CEACAM5: variants seen among roughly 807,000 people sequenced by gnomAD.
The protein encoded by CEACAM5 is cell adhesion molecule CEACAM5.
In CEACAM5, 52 loss-of-function variants were observed where a neutral mutation model predicts 63.0. The ratio of observed to expected loss-of-function variants is 0.83; its 90% confidence interval spans 0.66 to 1.04. The LOEUF (loss-of-function observed/expected upper bound fraction) is 1.04. CEACAM5 is among the 50% of genes least tolerant of loss of function. The pLI, the probability that CEACAM5 is intolerant of heterozygous loss-of-function variation, is 0.00. For missense variants in CEACAM5, 790 were observed against 864.8 expected, an observed-to-expected ratio of 0.91 and a Z score of 1.08; for synonymous variants, 357 against 351.3, an observed-to-expected ratio of 1.02 and a Z score of -0.18.
At chr19:41,717,378 C>T in intron 4 of CEACAM5, 77 bp from the exon 5 acceptor site, 7 of 1,514,842 alleles carry the variant, frequency 4.6e-6, no homozygotes, top group Non-Finnish European at 6.3e-6. Context: ...GTGGGAGATG[C>T]CAACTCTGAT....
intron 8 of CEACAM5, among the ~76,000 whole-genome samples, chr19:41,722,481 C>G (rs1175716097): frequency 6.6e-6 from 1 of 152,130 alleles, no homozygotes; most frequent in Admixed American, 6.5e-5. Context: ...CCTCTGTACC[C>G]AATAAACAGT....
Position 41,715,033 on chromosome 19 carries a change from G to A in CEACAM5, c.487G>A (p.Val163Met), listed in dbSNP as rs371758270. The A allele has an allele frequency of 7.4e-6, 12 of 1,614,106 alleles. No individual in the cohort carries two copies. The African/African-American group carries it at 1.6e-4, about 22-fold the overall frequency. Reference sequence around the variant, plus strand: ...CAAACCCGTGGAGGACAAGGATGCTGTGGCCTTCACCTGTGAACCTGAGAC... The same window carrying A: ...CAAACCCGTGGAGGACAAGGATGCTATGGCCTTCACCTGTGAACCTGAGAC... ...NSKPVEDKDA[V>M]AFTCEPETQD... is the part of the protein sequence containing the mutation. The change falls in exon 3 of 10, where the codon GTG (valine) becomes ATG (methionine). Residue 163 changes from valine to methionine, a missense_variant. By Grantham distance (21) the Val-to-Met change is conservative. Coordinates refer to ENST00000221992, the MANE Select transcript of CEACAM5 (RefSeq NM_004363.6).
In CEACAM5 at chr19:41,719,807, C is replaced by A. The variant is rs1445071172; in HGVS notation, c.1493-123C>A. ...TACATCTGTCTTGTGATACACACAC[C>A]TGCCATGGGCTTTTAAGGACTCGGG... On this transcript the variant is annotated intron_variant, in intron 6 of 9. Coordinates refer to ENST00000221992, the MANE Select transcript of CEACAM5 (RefSeq NM_004363.6). The A allele has an allele frequency of 4.6e-6, 7 of 1,527,882 alleles. No individual in the cohort carries two copies. The Admixed American group carries it at 5.7e-5, about 12-fold the overall frequency. The allele number at this position is 1,527,882 out of a possible 1,614,324, so 94.6% of individuals were successfully genotyped here.
chr19:41,712,060 G>T (rs1218408386), intron 2 of CEACAM5, among the ~76,000 whole-genome samples: 1 of 152,260 alleles, frequency 6.6e-6, no homozygotes, highest in African/African-American at 2.4e-5. Context: ...AGCAGGACGG[G>T]AATGAGCGAC....
In CEACAM5 at chr19:41,729,710, C is replaced by G. The variant is rs1414407176; in HGVS notation, c.*563C>G. On this transcript the variant is annotated 3_prime_UTR_variant, in exon 10 of 10. Coordinates refer to ENST00000221992, the MANE Select transcript of CEACAM5 (RefSeq NM_004363.6). ...GAAATTTTGCTGATTCTTTAAATGT[C>G]TTGTTTCCCAGATTTCAGGAAACTT... The G allele has an allele frequency of 6.6e-6, 1 of 152,064 alleles. No individual in the cohort carries two copies. The highest frequency in any genetic ancestry group is 6.5e-5 in the Admixed American group (1 of 15,274). The allele number at this position is 152,064 out of a possible 1,614,324, so 9.4% of individuals were successfully genotyped here. A position where few individuals can be genotyped will look rare whatever the true frequency, so the allele number is the denominator to read the frequency against.
Position 41,720,117 on chromosome 19 carries a change from T to C in CEACAM5, c.1680T>C (p.Asn560=). ...SNGNRTLTLF[N]VTRNDARAYV... Reference sequence around the variant, plus strand: ...GCAACAGGACCCTCACTCTATTCAATGTCACAAGAAATGACGCAAGAGCCT... The same window carrying C: ...GCAACAGGACCCTCACTCTATTCAACGTCACAAGAAATGACGCAAGAGCCT... The change falls in exon 7 of 10, where the codon AAT becomes AAC. Residue 560 remains asparagine, a synonymous_variant. Transcript: ENST00000221992. 2 of 1,614,220 alleles carry C rather than the reference T, an allele frequency of 1.2e-6. No homozygotes were observed. The highest frequency in any genetic ancestry group is 1.3e-5 in the African/African-American group (1 of 75,044).
At chr19:41,717,009 A>G (rs2072537294) in intron 4 of CEACAM5, among the ~76,000 whole-genome samples, 1 of 152,192 alleles carries the variant, frequency 6.6e-6, no homozygotes, top group Admixed American at 6.5e-5. Flanking sequence ...CATCTCCATC[A>G]TCACCTATCT....
intron 2 of CEACAM5, among the ~76,000 whole-genome samples, 175 bp from the exon 3 acceptor site, chr19:41,714,796 C>G (rs1233683031): frequency 1.3e-5 from 2 of 152,166 alleles, no homozygotes; most frequent in African/African-American, 2.4e-5. Context: ...CAGGCAGCCT[C>G]GCAGTCTCTG....
At position 41,713,307 on chromosome 19, in the gene CEACAM5, A is replaced by AAAAAGAAAAAGAAAG. The variant is rs533325539; in HGVS notation, c.425-1654_425-1640dup. Reference sequence around the variant, plus strand: ...CAACAGAGCGAGACTCCATCTCAAAAAAAAGAAAAAGAAAGAAAAGAAAAG... The same window carrying AAAAAGAAAAAGAAAG: ...CAACAGAGCGAGACTCCATCTCAAAAAAAAGAAAAAGAAAGAAAAGAAAAAGAAAGAAAAGAAAAG... On this transcript the variant is annotated intron_variant, in intron 2 of 9. Transcript: ENST00000221992. Among the ~76,000 whole-genome samples, 276 of 152,298 alleles carry AAAAAGAAAAAGAAAG rather than the reference A, an allele frequency of 1.8e-3. 4 individuals are homozygous for AAAAAGAAAAAGAAAG. Among genetic ancestry groups the AAAAAGAAAAAGAAAG allele is most frequent in the African/African-American group, 6.2e-3 (259 of 41,526 alleles).
At chr19:41,716,976 T>C (rs1170049652) in intron 4 of CEACAM5, among the ~76,000 whole-genome samples, 2 of 152,222 alleles carry the variant, frequency 1.3e-5, no homozygotes, top group Admixed American at 6.5e-5. Flanking sequence ...CCTAGTCTCC[T>C]GCACTATTTC....
Position 41,715,795 on chromosome 19 carries a change from G to A in CEACAM5, c.849G>A (p.Glu283=). Reference sequence around the variant, plus strand: ...GGACTTTCCAGCAATCCACCCAAGAGCTCTTTATCCCCAACATCACTGTGA... The same window carrying A: ...GGACTTTCCAGCAATCCACCCAAGAACTCTTTATCCCCAACATCACTGTGA... ...VNGTFQQSTQ[E]LFIPNITVNN... Residue 283 remains glutamate (E), a synonymous_variant, in exon 4 of 10, where the codon GAG becomes GAA. Transcript: ENST00000221992. 1 of 1,614,170 alleles carries A rather than the reference G, an allele frequency of 6.2e-7. No homozygotes were observed. The highest frequency in any genetic ancestry group is 1.1e-5 in the South Asian group (1 of 91,090).
At chr19:41,714,822 G>A (rs2072493037) in intron 2 of CEACAM5, 149 bp from the exon 3 acceptor site, 12 of 1,407,834 alleles carry the variant, frequency 8.5e-6, no homozygotes, top group East Asian at 2.3e-5. Flanking sequence ...TCAGATCATC[G>A]TGCATCTGTC....
At chr19:41,713,356 AC>A (rs1444796435) in intron 2 of CEACAM5, among the ~76,000 whole-genome samples, 26 of 152,336 alleles carry the variant, frequency 1.7e-4, no homozygotes, top group Admixed American at 1.1e-3. Context: ...TCACTGGAGC[AC>A]TTTGGATTCC....
At chr19:41,730,515 A>G (rs565588104), downstream of CEACAM5, among the ~76,000 whole-genome samples, 2 of 152,312 alleles carry the variant, frequency 1.3e-5, no homozygotes, top group African/African-American at 4.8e-5. Flanking sequence ...TATTTTGAAA[A>G]CAAATTTGTC....
chr19:41,724,056 C>A (rs1017322683), intron 8 of CEACAM5, among the ~76,000 whole-genome samples: 3 of 151,544 alleles, frequency 2.0e-5, no homozygotes, highest in Non-Finnish European at 4.4e-5. Flanking sequence ...AATTAAATGT[C>A]ATTAAGCTTT....
rs782113990 is a variant in CEACAM5 at position 41,718,197 on chromosome 19, C to A, written c.1307C>A (p.Ser436Tyr). 6.2e-7 allele frequency: 1 copy of A among 1,614,210 alleles called. No individual in the cohort carries two copies. Among genetic ancestry groups the A allele is most frequent in the South Asian group, 1.1e-5 (1 of 91,078 alleles). Residue 436 changes from serine to tyrosine, a missense_variant, in exon 6 of 10, where the codon TCC (serine) becomes TAC (tyrosine). By Grantham distance (144) the Ser-to-Tyr change is moderately radical. Coordinates refer to ENST00000221992, the MANE Select transcript of CEACAM5 (RefSeq NM_004363.6). ...CGTCCAGGGGTGAACCTCAGCCTCT[C>A]CTGCCATGCAGCCTCTAACCCACCT... ...YYRPGVNLSL[S>Y]CHAASNPPAQ...
chr19:41,714,102 C>A (rs2072480473), intron 2 of CEACAM5, among the ~76,000 whole-genome samples: 1 of 152,068 alleles, frequency 6.6e-6, no homozygotes. Context: ...GTAGTCCCAG[C>A]TACTCGGGAG....
Position 41,708,681 on chromosome 19 carries a change from TG to T in CEACAM5, c.-49del. 6.4e-7 allele frequency: 1 copy of T among 1,551,692 alleles called. No homozygotes were observed. The highest frequency in any genetic ancestry group is 8.8e-7 in the Non-Finnish European group (1 of 1,132,382). On this transcript the variant is annotated 5_prime_UTR_variant, in exon 1 of 10. Coordinates refer to ENST00000221992, the MANE Select transcript of CEACAM5 (RefSeq NM_004363.6). ...CACAGCAGCCTTGACAAAACGTTCC[TG>T]GAACTCAAGCTCTTCTCCACAGAGG...
At position 41,714,826 on chromosome 19, in the gene CEACAM5, A is replaced by G. The variant is rs966432814; in HGVS notation, c.425-145A>G. 6.3e-6 allele frequency: 9 copies of G among 1,433,232 alleles called. No homozygotes were observed. In the African/African-American group the frequency reaches 1.3e-4, roughly 20 times the overall value. The allele number at this position is 1,433,232 out of a possible 1,614,324, so 88.8% of individuals were successfully genotyped here. On this transcript the variant is annotated intron_variant, in intron 2 of 9. Transcript: ENST00000221992. Reference sequence around the variant, plus strand: ...TCTCTGAGATCTCAGATCATCGTGCATCTGTCTTGTGACACATGCACCCAC... The same window carrying G: ...TCTCTGAGATCTCAGATCATCGTGCGTCTGTCTTGTGACACATGCACCCAC...
Sources: allele counts gnomAD v4.1 joint callset (sites outside exome capture counted in the v4.1 genomes callset), GRCh38; gene constraint gnomAD v4.1.1; transcripts MANE v1.5; gene names NCBI Gene and HGNC (gene_info 2026-07-23, HGNC 2026-07-21).